The following SMURF2 variants were observed in gnomAD, a reference collection of about 807,000 sequenced individuals.
SMURF2 encodes the protein SMAD specific E3 ubiquitin protein ligase 2.
Under a neutral mutation model 109.6 loss-of-function variants are expected in SMURF2, and 48 were observed. That is an observed-to-expected ratio of 0.44 (90% CI 0.35 to 0.56). The LOEUF is 0.56. Ranked by LOEUF, SMURF2 falls within the 20% of genes least tolerant of loss-of-function variation. The pLI, the probability that SMURF2 is intolerant of heterozygous loss-of-function variation, is 0.01. For missense variants in SMURF2, 575 were observed against 909.0 expected, an observed-to-expected ratio of 0.63 and a Z score of 4.72; for synonymous variants, 288 against 317.1, an observed-to-expected ratio of 0.91 and a Z score of 0.97.
At chr17:64,579,981 C>T (rs1228624924) in intron 8 of SMURF2, among the ~76,000 whole-genome samples, 1 of 152,184 alleles carries the variant, frequency 6.6e-6, no homozygotes, top group African/African-American at 2.4e-5. Context: ...AAGAATCATG[C>T]ATTTGCAGAA....
chr17:64,646,466 C>G (rs1970561408), intron 1 of SMURF2, among the ~76,000 whole-genome samples: 2 of 151,256 alleles, frequency 1.3e-5, no homozygotes, highest in African/African-American at 4.9e-5. Flanking sequence ...TCACTGCAAC[C>G]TCTGCCTGCT....
intron 2 of SMURF2, among the ~76,000 whole-genome samples, chr17:64,605,744 AATATATATATAT>A (rs71158333): frequency 8.9e-4 from 88 of 99,100 alleles, no homozygotes; most frequent in Middle Eastern, 4.8e-3. Context: ...CTCTAAAAAG[AATATATATATAT>A]ATATATATAT....
rs202040035 is a variant in SMURF2, at chr17:64,561,451, T to C, written c.1316+49A>G. The C allele has an allele frequency of 7.1e-6, 9 of 1,271,204 alleles. No homozygotes were observed. The East Asian group carries it at 2.1e-4, about 29-fold the overall frequency. The allele number at this position is 1,271,204 out of a possible 1,614,324, so 78.7% of individuals were successfully genotyped here. ...TTACACCACAGGAAGTAGCTTAAAT[T>C]TGTAAGTACAAAGATCCATATGTCA... is the stretch of plus-strand genomic sequence containing the variant. On this transcript the variant is annotated intron_variant, in intron 12 of 18. Coordinates refer to ENST00000262435, the MANE Select transcript of SMURF2 (RefSeq NM_022739.4).
At chr17:64,584,426 T>G (rs1555686875) in intron 6 of SMURF2, among the ~76,000 whole-genome samples, 1 of 142,424 alleles carries the variant, frequency 7.0e-6, no homozygotes, top group East Asian at 2.2e-4. Flanking sequence ...TGGCGCGATC[T>G]CAGCTCACTG....
rs1968913745 is a variant in SMURF2 at position 64,544,232 on chromosome 17, A to G, written c.*1616T>C. 1 of 152,060 alleles carries G rather than the reference A, an allele frequency of 6.6e-6. No homozygotes were observed. The highest frequency in any genetic ancestry group is 1.5e-5 in the Non-Finnish European group (1 of 68,026). 9.4% of individuals were successfully genotyped at this position (152,060 alleles called of 1,614,324 possible). On this transcript the variant is annotated 3_prime_UTR_variant, in exon 19 of 19. Coordinates refer to ENST00000262435, the MANE Select transcript of SMURF2 (RefSeq NM_022739.4). Reference sequence around the variant, plus strand: ...TATGGAGCCTAAGGCCCCTGCTCAAATACCAACTAGGCCTTCCCCCTCGCT... The same window carrying G: ...TATGGAGCCTAAGGCCCCTGCTCAAGTACCAACTAGGCCTTCCCCCTCGCT...
chr17:64,545,763 T>TAA lies in SMURF2; in HGVS notation c.*84_*85insTT. ...GGGGGGGGGAGTGTTTTCCTGTATT[T>TAA]CAGCATATTCTTTGAAACTCTGCTG... On this transcript the variant is annotated 3_prime_UTR_variant, in exon 19 of 19. Coordinates refer to ENST00000262435, the MANE Select transcript of SMURF2 (RefSeq NM_022739.4). 2.0e-6 allele frequency: 1 copy of TAA among 512,772 alleles called. No individual in the cohort carries two copies. The highest frequency in any genetic ancestry group is 3.4e-6 in the Non-Finnish European group (1 of 291,758). 31.8% of individuals were successfully genotyped at this position (512,772 alleles called of 1,614,324 possible).
At chr17:64,559,521 A>G (rs2144600455) in intron 12 of SMURF2, among the ~76,000 whole-genome samples, 1 of 151,884 alleles carries the variant, frequency 6.6e-6, no homozygotes, top group East Asian at 2.0e-4. Flanking sequence ...TGAACCCAGG[A>G]GGCAGAGGTT....
At position 64,654,724 on chromosome 17, in the gene SMURF2, G is replaced by A. The variant is rs148595585; in HGVS notation, c.52+7105C>T. On this transcript the variant is annotated intron_variant, in intron 1 of 18. Coordinates refer to ENST00000262435, the MANE Select transcript of SMURF2 (RefSeq NM_022739.4). ...CATGCCTATAATCCCAGCTATTCAG[G>A]AGGCTGAGGCAGGAGAATCGCTTGA... Among the ~76,000 whole-genome samples the A allele has an allele frequency of 9.1e-3, 1,389 of 152,322 alleles. 27 individuals carry two copies. Among genetic ancestry groups the A allele is most frequent in the African/African-American group, 0.032 (1,314 of 41,564 alleles).
intron 14 of SMURF2, among the ~76,000 whole-genome samples, chr17:64,555,560 G>C (rs1969106473): frequency 1.3e-5 from 2 of 152,004 alleles, no homozygotes; most frequent in South Asian, 4.2e-4. Context: ...ATCACATTGA[G>C]GAAACAATTA....
chr17:64,547,172 G>A lies in SMURF2; in HGVS notation c.2071+428C>T, dbSNP rs782525426. Among the ~76,000 whole-genome samples, 13 of 152,180 alleles carry A rather than the reference G, an allele frequency of 8.5e-5. No individual in the cohort carries two copies. The highest frequency in any genetic ancestry group is 8.5e-4 in the Admixed American group (13 of 15,276). On this transcript the variant is annotated intron_variant, in intron 17 of 18. Transcript: ENST00000262435. This position sits in a 1 kb window ranked among gnomAD's most constrained non-coding sequence, Gnocchi z 4.2. Reference sequence around the variant, plus strand: ...ATGCAGTAATTAAAATGCTCTGACCGAACAGATGGTTTCCATGACCCATGC... The same window carrying A: ...ATGCAGTAATTAAAATGCTCTGACCAAACAGATGGTTTCCATGACCCATGC...
intron 2 of SMURF2, among the ~76,000 whole-genome samples, chr17:64,604,334 T>C (rs1555688850): frequency 1.3e-5 from 2 of 152,128 alleles, no homozygotes; most frequent in East Asian, 3.9e-4. Context: ...TTCACACTCT[T>C]AGAATTTTTA....
chr17:64,636,915 G>A (rs557562763), intron 1 of SMURF2, among the ~76,000 whole-genome samples: 2 of 152,032 alleles, frequency 1.3e-5, no homozygotes, highest in African/African-American at 2.4e-5. Flanking sequence ...GGACACAAAC[G>A]TTTTTAATTT....
intron 1 of SMURF2, among the ~76,000 whole-genome samples, chr17:64,613,739 TGTGTGG>T (rs58176938): frequency 2.1e-4 from 24 of 114,550 alleles, no homozygotes; most frequent in African/African-American, 6.7e-4. Context: ...TGTGTGTGTG[TGTGTGG>T]AGGGGGGGCA....
chr17:64,585,605 C>A (rs1555687005), intron 6 of SMURF2, among the ~76,000 whole-genome samples: 2 of 152,126 alleles, frequency 1.3e-5, no homozygotes, highest in Non-Finnish European at 2.9e-5. Context: ...TATATACTGC[C>A]TTCCAAGATG....
intron 1 of SMURF2, among the ~76,000 whole-genome samples, chr17:64,661,345 G>C (rs1970772266): frequency 6.6e-6 from 1 of 151,982 alleles, no homozygotes; most frequent in South Asian, 2.1e-4. Flanking sequence ...GGGCATAACT[G>C]GGTGTGTGCA....
At position 64,547,552 on chromosome 17, in the gene SMURF2, GC is replaced by G. The variant is rs1555683231; in HGVS notation, c.2071+47del. ...TATCTCCACAGACCCCACGCTGACA[GC>G]CCCGCCCCCACCCGCTGCCCAGCTT... On this transcript the variant is annotated intron_variant, in intron 17 of 18. Coordinates refer to ENST00000262435, the MANE Select transcript of SMURF2 (RefSeq NM_022739.4). This position sits in a 1 kb window ranked among gnomAD's most constrained non-coding sequence, Gnocchi z 4.2. 7.2e-6 allele frequency: 11 copies of G among 1,537,654 alleles called. No individual in the cohort carries two copies. The highest frequency in any genetic ancestry group is 9.9e-6 in the Non-Finnish European group (11 of 1,111,630).
At chr17:64,649,477 A>G (rs1300346345) in intron 1 of SMURF2, among the ~76,000 whole-genome samples, 1 of 152,208 alleles carries the variant, frequency 6.6e-6, no homozygotes, top group Non-Finnish European at 1.5e-5. Flanking sequence ...GGAACAGAGA[A>G]GTATAGTTAA....
At chr17:64,575,343 G>C (rs1555685967) in intron 9 of SMURF2, among the ~76,000 whole-genome samples, 1 of 151,730 alleles carries the variant, frequency 6.6e-6, no homozygotes, top group African/African-American at 2.4e-5. Flanking sequence ...AGTAGAGACG[G>C]GTTTTCACCA....
chr17:64,586,376 T>G (rs1412308286), intron 5 of SMURF2, among the ~76,000 whole-genome samples: 1 of 152,202 alleles, frequency 6.6e-6, no homozygotes, highest in Non-Finnish European at 1.5e-5. Context: ...TTTCTACACT[T>G]TATTACGTTC....
Sources: gnomAD v4.1 joint callset for allele counts (sites outside exome capture counted in the v4.1 genomes callset) on GRCh38, gnomAD v4.1.1 for gene constraint, Gnocchi (gnomAD v3.1) non-coding constraint, MANE v1.5 for transcripts, NCBI Gene and HGNC (gene_info 2026-07-23, HGNC 2026-07-21) for gene names.